Variants in PXDN observed in about 807,000 individuals in gnomAD.
PXDN encodes peroxidasin, also known as peroxidasin homolog.
In PXDN, 77 loss-of-function variants were observed where a neutral mutation model predicts 140.3. That is an observed-to-expected ratio of 0.55 (90% CI 0.46 to 0.66). PXDN has a LOEUF of 0.66. Ranked by LOEUF, PXDN falls within the 30% of genes least tolerant of loss-of-function variation. The pLI, the probability that PXDN is intolerant of heterozygous loss-of-function variation, is 0.00. For synonymous variants in PXDN, 911 were observed against 857.4 expected, an observed-to-expected ratio of 1.06 and a Z score of -1.09; for missense variants, 1,838 against 2,039.5, an observed-to-expected ratio of 0.90 and a Z score of 1.90.
intron 1 of PXDN, among the ~76,000 whole-genome samples, chr2:1,716,133 G>C (rs978305526): frequency 1.3e-5 from 2 of 152,098 alleles, no homozygotes; most frequent in African/African-American, 4.8e-5. Context: ...CTCAGTGTAC[G>C]TATCTATAAA....
chr2:1,663,879 T>A, intron 11 of PXDN, 116 bp from the exon 12 acceptor site: 1 of 1,361,714 alleles, frequency 7.3e-7, no homozygotes, highest in Non-Finnish European at 1.0e-6. Flanking sequence ...CGCCGGATAA[T>A]TTGGCCTGGC....
intron 7 of PXDN, 30 bp downstream of exon 7, chr2:1,680,163 T>C: frequency 6.8e-7 from 1 of 1,470,136 alleles, no homozygotes; most frequent in Non-Finnish European, 9.2e-7. Context: ...TGTGAGTGTG[T>C]GGATGGTGTG....
intron 1 of PXDN, among the ~76,000 whole-genome samples, chr2:1,698,408 C>A (rs1167423378): frequency 6.6e-6 from 1 of 152,076 alleles, no homozygotes. Context: ...AAGGTCACCC[C>A]CTACTTCAGA....
chr2:1,734,941 CT>C (rs1176454482), intron 1 of PXDN, among the ~76,000 whole-genome samples: 1 of 152,170 alleles, frequency 6.6e-6, no homozygotes, highest in Admixed American at 6.6e-5. Flanking sequence ...CCTGCTACTG[CT>C]TTATCCACTA....
chr2:1,654,538 G>C, intron 14 of PXDN, 30 bp from the exon 15 acceptor site: 6 of 1,440,300 alleles, frequency 4.2e-6, no homozygotes, highest in Non-Finnish European at 5.9e-6. Context: ...CGTATTACCA[G>C]GAAAAATACT....
At chr2:1,692,638 C>T (rs986522863) in intron 2 of PXDN, 24 of 472,554 alleles carry the variant, frequency 5.1e-5, no homozygotes, top group South Asian at 3.7e-4. Flanking sequence ...CTGCCTGCTC[C>T]CTCCAGGCAT....
intron 7 of PXDN, 36 bp downstream of exon 7, chr2:1,680,153 TGTGA>T (rs1484422191): frequency 1.3e-6 from 2 of 1,510,746 alleles, no homozygotes; most frequent in Non-Finnish European, 1.8e-6. Flanking sequence ...GTGTAGATGG[TGTGA>T]GTGTGTGGAT....
chr2:1,673,679 T>C lies in PXDN; in HGVS notation c.982A>G (p.Thr328Ala). Residue 328 changes from threonine (T) to alanine (A), a missense_variant, in exon 9 of 23, where the codon ACG becomes GCG. By Grantham distance (58) the Thr-to-Ala change is moderately conservative. Transcript: ENST00000252804. ...MAKNVAGEVKTQEVTLRYFGS... is the reference protein window; with the variant it reads ...MAKNVAGEVKAQEVTLRYFGS... ...AAGTACCTGAGGGTCACCTCTTGCG[T>C]CTTCACCTCTCCGGCCACGTTCTTT... 1.2e-6 allele frequency: 2 copies of C among 1,613,896 alleles called. No homozygotes were observed. The highest frequency in any genetic ancestry group is 1.7e-6 in the Non-Finnish European group (2 of 1,179,816).
intron 9 of PXDN, among the ~76,000 whole-genome samples, chr2:1,672,725 A>G (rs567827574): frequency 6.6e-4 from 100 of 152,362 alleles, no homozygotes; most frequent in Non-Finnish European, 1.2e-3. Flanking sequence ...GACCAGGCCA[A>G]TTAAGGAGCT....
intron 1 of PXDN, among the ~76,000 whole-genome samples, chr2:1,716,452 A>C (rs1684897089): frequency 1.5e-5 from 2 of 132,822 alleles, no homozygotes; most frequent in African/African-American, 7.1e-5. Context: ...AAAAAAAAAA[A>C]AAAAAAAAAA....
At chr2:1,696,694 T>C (rs1684307761) in intron 1 of PXDN, among the ~76,000 whole-genome samples, 1 of 152,166 alleles carries the variant, frequency 6.6e-6, no homozygotes, top group African/African-American at 2.4e-5. Context: ...CCACAGCACA[T>C]GAAAGGAGCT....
At chr2:1,658,378 A>C (rs1387500387) in intron 14 of PXDN, among the ~76,000 whole-genome samples, 2 of 151,774 alleles carry the variant, frequency 1.3e-5, no homozygotes, top group East Asian at 3.9e-4. Flanking sequence ...GTTCCTCCCC[A>C]GCTGTCTCTG....
intron 1 of PXDN, among the ~76,000 whole-genome samples, chr2:1,715,964 T>G (rs1270265456): frequency 6.6e-6 from 1 of 152,162 alleles, no homozygotes; most frequent in Admixed American, 6.5e-5. Context: ...AATATAGCCC[T>G]CACCCAGCTG....
At chr2:1,699,412 G>A (rs72629192) in intron 1 of PXDN, among the ~76,000 whole-genome samples, 23,538 of 152,116 alleles carry the variant, frequency 0.15, 3,004 homozygotes, top group East Asian at 0.59. Flanking sequence ...TTTAAATATA[G>A]AAAATTAAGA....
At chr2:1,697,234 A>G (rs1231434068) in intron 1 of PXDN, among the ~76,000 whole-genome samples, 1 of 152,190 alleles carries the variant, frequency 6.6e-6, no homozygotes, top group Non-Finnish European at 1.5e-5. Flanking sequence ...CACTATGTAT[A>G]TTTTTAAGTG....
intron 21 of PXDN, chr2:1,636,268 A>C (rs1469975154): frequency 6.6e-6 from 1 of 152,652 alleles, no homozygotes; most frequent in Non-Finnish European, 1.5e-5. Context: ...TGAAATGAAC[A>C]CAAATTATTT....
chr2:1,711,637 ACCAGCACCCACTCCACCAGCACCCACT>A (rs1387889651), intron 1 of PXDN, among the ~76,000 whole-genome samples: 4 of 135,468 alleles, frequency 3.0e-5, no homozygotes, highest in Non-Finnish European at 6.3e-5. Context: ...CACCCGCTCC[ACCAGCACCCACTCCACCAGCACCCACT>A]CTCCACCAGC....
At chr2:1,674,330 C>A (rs1257820627) in intron 8 of PXDN, among the ~76,000 whole-genome samples, 1 of 152,230 alleles carries the variant, frequency 6.6e-6, no homozygotes, top group Non-Finnish European at 1.5e-5. Flanking sequence ...CTGCCTCGGG[C>A]TCCGAAAGTG....
intron 1 of PXDN, among the ~76,000 whole-genome samples, chr2:1,726,566 A>T (rs1385193344): frequency 6.6e-6 from 1 of 152,106 alleles, no homozygotes; most frequent in Non-Finnish European, 1.5e-5. Flanking sequence ...GTACCCTAAA[A>T]CTTAAAGTAT....
Sources: gnomAD v4.1 joint callset for allele counts (sites outside exome capture counted in the v4.1 genomes callset) on GRCh38, gnomAD v4.1.1 for gene constraint, MANE v1.5 for transcripts, NCBI Gene and HGNC (gene_info 2026-07-23, HGNC 2026-07-21) for gene names.